The following TNK2 variants were observed in gnomAD, a reference collection of about 807,000 sequenced individuals.
TNK2 encodes tyrosine kinase non receptor 2, also known as activated CDC42 kinase 1.
Under a neutral mutation model 101.8 loss-of-function variants are expected in TNK2, and 83 were observed. That is an observed-to-expected ratio of 0.82 (90% CI 0.68 to 0.98). The LOEUF (loss-of-function observed/expected upper bound fraction) is 0.98, where lower values mean the gene tolerates loss of function less well. Ranked by LOEUF, TNK2 falls within the 50% of genes least tolerant of loss-of-function variation. The probability of loss-of-function intolerance (pLI) is 0.00; values close to 1 mark genes in which losing one functional copy is unlikely to be tolerated. For synonymous variants in TNK2, 804 were observed against 633.0 expected (o/e 1.27, Z -4.06); for missense variants, 1,665 against 1,483.2 (o/e 1.12, Z -2.01).
chr3:195,872,812 T>C (rs1746364735), intron 9 of TNK2: 1 of 255,060 alleles, frequency 3.9e-6, no homozygotes, highest in Non-Finnish European at 7.5e-6. Context: ...AACGCCAGCT[T>C]TCAGGTCTGT....
intron 10 of TNK2, among the ~76,000 whole-genome samples, chr3:195,870,555 G>A (rs577743027): frequency 5.4e-4 from 83 of 152,370 alleles, no homozygotes; most frequent in Non-Finnish European, 2.4e-4. Context: ...ACGATGGAGG[G>A]CCTAAGAACG....
intron 1 of TNK2, chr3:195,895,624 G>A (rs76153126): frequency 0.076 from 98,234 of 1,286,246 alleles, 4,155 homozygotes; most frequent in African/African-American, 0.16. Context: ...GACCCCCACC[G>A]AGAGCCGGGG....
intron 1 of TNK2, chr3:195,896,330 G>A (rs750553770): frequency 9.6e-6 from 3 of 311,856 alleles, no homozygotes; most frequent in East Asian, 1.4e-4. Flanking sequence ...CAGATGCTGT[G>A]ACCTCTCCTC....
chr3:195,892,949 C>G (rs1415374044), intron 1 of TNK2, among the ~76,000 whole-genome samples: 1 of 151,912 alleles, frequency 6.6e-6, no homozygotes, highest in African/African-American at 2.4e-5. Flanking sequence ...CCGCGCTGGC[C>G]CCCCTGCCTC....
At chr3:195,903,424 A>G (rs769531200) in intron 1 of TNK2, among the ~76,000 whole-genome samples, 12 of 152,174 alleles carry the variant, frequency 7.9e-5, no homozygotes, top group Non-Finnish European at 1.3e-4. Flanking sequence ...ATTCAACATT[A>G]TATTAGATGA....
intron 1 of TNK2, chr3:195,896,314 G>A: frequency 3.1e-6 from 1 of 322,706 alleles, no homozygotes; most frequent in Non-Finnish European, 6.2e-6. Flanking sequence ...TGGGGCAGAG[G>A]AGAGACAGAT....
rs111618622 is a variant in TNK2 at position 195,867,593 on chromosome 3, G to C, written c.2705C>G (p.Pro902Arg). Residue 902 changes from proline to arginine, a missense_variant, in exon 13 of 16, where the codon CCC (proline) becomes CGC (arginine). By Grantham distance (103) the Pro-to-Arg change is moderately radical. Around this residue, in one of 3 missense-constraint regions of TNK2, gnomAD observed 1,136 missense variants for 894.9 expected, o/e 1.27. Coordinates refer to ENST00000672887, the MANE Select transcript of TNK2 (RefSeq NM_001382273.1). ...GGGCAGCAGCAGAGGCACAGGCAGG[G>C]GGGTAGGCTCCTCGGGGCTCTGGGC... is the stretch of plus-strand genomic sequence containing the variant. Reference protein sequence around the residue: ...REAQSPEEPTPLPVPLLLPPP... With the variant: ...REAQSPEEPTRLPVPLLLPPP... 3 of 1,592,988 alleles carry C rather than the reference G, an allele frequency of 1.9e-6. No homozygotes were observed. The highest frequency in any genetic ancestry group is 2.5e-6 in the Non-Finnish European group (3 of 1,177,354).
chr3:195,864,251 C>T (rs1210568433), intron 15 of TNK2, 64 bp from the exon 16 acceptor site: 12 of 1,605,950 alleles, frequency 7.5e-6, no homozygotes, highest in Non-Finnish European at 1.0e-5. Context: ...GGGCAGGCAC[C>T]GGGGGTCACA....
intron 6 of TNK2, among the ~76,000 whole-genome samples, chr3:195,881,590 C>CG: frequency 1.2e-5 from 1 of 83,056 alleles, no homozygotes; most frequent in Non-Finnish European, 2.2e-5. Flanking sequence ...GTAACACCCC[C>CG]CCAGCGATGC....
chr3:195,876,552 A>C (rs1298233816), intron 9 of TNK2: 1 of 456,636 alleles, frequency 2.2e-6, no homozygotes, highest in Non-Finnish European at 4.4e-6. Context: ...CACCACCGAC[A>C]CCCAGGCCCG....
chr3:195,898,794 CTTTAAT>C lies in TNK2; in HGVS notation c.-19+9685_-19+9690del, dbSNP rs1164309520. Among the ~76,000 whole-genome samples the C allele has an allele frequency of 2.0e-5, 3 of 152,152 alleles. No homozygotes were observed. The East Asian group carries it at 5.8e-4, about 29-fold the overall frequency. ...GCACCAGCCACCATGTCCGGATGCC[CTTTAAT>C]TTTAATGTCTGCGGCTGGGCCCGGT... On this transcript the variant is annotated intron_variant, in intron 1 of 15. Transcript: ENST00000672887.
At chr3:195,881,907 G>A (rs1753313601) in intron 6 of TNK2, 144 bp downstream of exon 6, 1 of 942,108 alleles carries the variant, frequency 1.1e-6, no homozygotes, top group African/African-American at 1.7e-5. Context: ...TGAGCGAATG[G>A]GTGCAAAGGA....
intron 6 of TNK2, 149 bp downstream of exon 6, chr3:195,881,902 G>A (rs1044871111): frequency 3.3e-6 from 3 of 898,386 alleles, no homozygotes; most frequent in South Asian, 1.8e-5. Flanking sequence ...GATGGTGAGC[G>A]AATGGGTGCA....
chr3:195,907,368 C>G (rs1761839141), intron 1 of TNK2, among the ~76,000 whole-genome samples: 1 of 152,212 alleles, frequency 6.6e-6, no homozygotes, highest in Admixed American at 6.5e-5. Context: ...CAGCACCACT[C>G]CCTCTGCCCC....
chr3:195,873,540 G>A (rs1006288190), intron 9 of TNK2, among the ~76,000 whole-genome samples: 36 of 152,078 alleles, frequency 2.4e-4, no homozygotes, highest in African/African-American at 8.0e-4. Context: ...CTGGGCACGC[G>A]GGGGCGGTGA....
Position 195,885,124 on chromosome 3 carries a change from G to C in TNK2, c.235-91C>G, listed in dbSNP as rs568625977. Reference sequence around the variant, plus strand: ...CCGCTGGGTCCACCTGGTGATCCCCGGCTTCGGCTTCCAGATAGGTCCTGG... The same window carrying C: ...CCGCTGGGTCCACCTGGTGATCCCCCGCTTCGGCTTCCAGATAGGTCCTGG... On this transcript the variant is annotated intron_variant, in intron 3 of 15. Coordinates refer to ENST00000672887, the MANE Select transcript of TNK2 (RefSeq NM_001382273.1). The surrounding 1 kb of genome is among the most constrained non-coding windows in gnomAD (Gnocchi z 4.7). The C allele has an allele frequency of 7.5e-7, 1 of 1,328,506 alleles. No individual in the cohort carries two copies. Among genetic ancestry groups the C allele is most frequent in the Admixed American group, 2.7e-5 (1 of 36,572 alleles). The allele number at this position is 1,328,506 out of a possible 1,614,324, so 82.3% of individuals were successfully genotyped here. A position where few individuals can be genotyped will look rare whatever the true frequency, so the allele number is the denominator to read the frequency against.
chr3:195,868,480 C>A lies in TNK2; in HGVS notation c.1818G>T (p.Gln606His). ...ALRPCAPSLAQLAMDACSLLD... is the reference protein window; with the variant it reads ...ALRPCAPSLAHLAMDACSLLD... ...GCAGGGAGCAGGCGTCCATGGCCAG[C>A]TGCGCCAGGGAGGGCGCGCAGGGCC... Residue 606 changes from glutamine to histidine, a missense_variant, in exon 13 of 16, where the codon CAG (glutamine) becomes CAT (histidine). By Grantham distance (24) the Gln-to-His change is conservative. This residue lies in a region of TNK2 where 1,136 missense variants were observed against 894.9 expected (regional missense o/e 1.27). Coordinates refer to ENST00000672887, the MANE Select transcript of TNK2 (RefSeq NM_001382273.1). 6.4e-7 allele frequency: 1 copy of A among 1,550,650 alleles called. No homozygotes were observed. Among genetic ancestry groups the A allele is most frequent in the Non-Finnish European group, 8.6e-7 (1 of 1,160,056 alleles).
intron 1 of TNK2, among the ~76,000 whole-genome samples, chr3:195,906,894 CG>C (rs746625304): frequency 1.3e-5 from 2 of 152,088 alleles, no homozygotes; most frequent in Admixed American, 6.6e-5. Context: ...GCCGGGGCTC[CG>C]GGGAGGTGGG....
rs187551868 is a variant in TNK2, at chr3:195,897,427, C to A, written c.-18-8821G>T. Among the ~76,000 whole-genome samples the A allele has an allele frequency of 7.2e-5, 11 of 152,366 alleles. 1 individual carries two copies. In the East Asian group the frequency reaches 2.1e-3, roughly 29 times the overall value. ...CCCAGGGGGGCCTGGCAGCTGAGGTCCTGAGGGCAGGCAAGGCTGTGTCTG... is the reference window on the plus strand; with the variant it reads ...CCCAGGGGGGCCTGGCAGCTGAGGTACTGAGGGCAGGCAAGGCTGTGTCTG... On this transcript the variant is annotated intron_variant, in intron 1 of 15. Coordinates refer to ENST00000672887, the MANE Select transcript of TNK2 (RefSeq NM_001382273.1).
Sources: gnomAD v4.1 joint callset for allele counts (sites outside exome capture counted in the v4.1 genomes callset) on GRCh38, gnomAD v4.1.1 for gene constraint, gnomAD v4.1.1 regional missense constraint, Gnocchi (gnomAD v3.1) non-coding constraint, MANE v1.5 for transcripts, NCBI Gene and HGNC (gene_info 2026-07-23, HGNC 2026-07-21) for gene names.